RIMBP2: variants seen among roughly 807,000 people sequenced by gnomAD.
RIMBP2 encodes the protein RIMS-binding protein 2.
A neutral mutation model predicts 118.6 loss-of-function variants in RIMBP2; 48 were observed. That is an observed-to-expected ratio of 0.40 (90% confidence interval 0.32 to 0.51). The LOEUF is 0.51. Ranked by LOEUF, RIMBP2 falls within the 20% of genes least tolerant of loss-of-function variation. The pLI is 0.41. For synonymous variants in RIMBP2, 762 were observed against 742.9 expected (o/e 1.03, Z -0.42); for missense variants, 1,551 against 1,768.3 (o/e 0.88, Z 2.20).
intron 2 of RIMBP2, among the ~76,000 whole-genome samples, chr12:130,571,277 G>C (rs755180859): frequency 3.3e-5 from 5 of 152,012 alleles, no homozygotes; most frequent in Admixed American, 6.6e-5. Flanking sequence ...GCCATGCATG[G>C]GTCCCCGCAA....
chr12:130,460,138 A>T (rs2079845450), intron 6 of RIMBP2, among the ~76,000 whole-genome samples: 1 of 152,204 alleles, frequency 6.6e-6, no homozygotes, highest in African/African-American at 2.4e-5. Context: ...AGGAACCCTG[A>T]GACCCCTGCA....
chr12:130,432,367 T>C (rs1313395926), intron 14 of RIMBP2: 8 of 452,486 alleles, frequency 1.8e-5, no homozygotes, highest in African/African-American at 1.4e-4. Context: ...CACTTACTAC[T>C]TGCCAGTTGT....
intron 6 of RIMBP2, among the ~76,000 whole-genome samples, chr12:130,458,357 A>G (rs1044374456): frequency 6.6e-6 from 1 of 152,152 alleles, no homozygotes; most frequent in Non-Finnish European, 1.5e-5. Context: ...GGGGCCTGAC[A>G]TGGAAAGCAT....
At position 130,489,001 on chromosome 12, in the gene RIMBP2, C is replaced by T. The variant is rs184568213; in HGVS notation, c.-3-9985G>A. ...TCTGGAAAGTTCCAGAGAGCTGACT[C>T]CTACAGAATTCACGGCTAGCATGGG... On this transcript the variant is annotated intron_variant, in intron 4 of 22. Coordinates refer to ENST00000690449, the MANE Select transcript of RIMBP2 (RefSeq NM_001393629.1). Among the ~76,000 whole-genome samples, 17 of 152,292 alleles carry T rather than the reference C, an allele frequency of 1.1e-4. No individual in the cohort carries two copies. The East Asian group carries it at 3.1e-3, about 28-fold the overall frequency.
chr12:130,564,699 C>T (rs1455689391), intron 2 of RIMBP2, among the ~76,000 whole-genome samples: 1 of 152,172 alleles, frequency 6.6e-6, no homozygotes, highest in Non-Finnish European at 1.5e-5. Context: ...GGCCTCTAAA[C>T]AGTGGCAGTT....
intron 15 of RIMBP2, chr12:130,426,060 AG>A (rs1167632532): frequency 6.6e-6 from 1 of 152,304 alleles, no homozygotes; most frequent in African/African-American, 2.4e-5. Flanking sequence ...AACCATCCTT[AG>A]AGGACAGGGA....
Position 130,683,138 on chromosome 12 carries a change from T to G in RIMBP2, c.-352+33084A>C, listed in dbSNP as rs2064876944. Among the ~76,000 whole-genome samples the G allele has an allele frequency of 6.6e-6, 1 of 152,078 alleles. No individual in the cohort carries two copies. The highest frequency in any genetic ancestry group is 2.4e-5 in the African/African-American group (1 of 41,404). ...AATTAAGGTAAGGGTAGAGATGAGA[T>G]CCAGGGGGGTTGGGGTGGACCCTCC... On this transcript the variant is annotated intron_variant, in intron 1 of 22. Coordinates refer to ENST00000690449, the MANE Select transcript of RIMBP2 (RefSeq NM_001393629.1). The surrounding 1 kb of genome is among the most constrained non-coding windows in gnomAD (Gnocchi z 4.4).
At chr12:130,635,238 C>T (rs1016837393) in intron 1 of RIMBP2, among the ~76,000 whole-genome samples, 3 of 152,288 alleles carry the variant, frequency 2.0e-5, no homozygotes, top group African/African-American at 7.2e-5. Flanking sequence ...ACAAGCCAGG[C>T]GGGCCAGCGC....
chr12:130,690,382 G>A (rs1288461121), intron 1 of RIMBP2, among the ~76,000 whole-genome samples: 4 of 152,150 alleles, frequency 2.6e-5, no homozygotes, highest in African/African-American at 4.8e-5. Context: ...CCTGCTGCCC[G>A]AGAACCTGAG....
At chr12:130,580,193 AT>A (rs1312876897) in intron 2 of RIMBP2, among the ~76,000 whole-genome samples, 148 of 61,402 alleles carry the variant, frequency 2.4e-3, no homozygotes, top group Middle Eastern at 7.4e-3. Flanking sequence ...GCAAGACTCC[AT>A]TTAAAAAAAA....
chr12:130,694,646 A>G (rs1555325711), intron 1 of RIMBP2, among the ~76,000 whole-genome samples: 1 of 152,116 alleles, frequency 6.6e-6, no homozygotes, highest in Non-Finnish European at 1.5e-5. Flanking sequence ...TCTTCTCTGC[A>G]TGGATGGTGC....
chr12:130,526,809 T>C (rs1820618906), intron 2 of RIMBP2, among the ~76,000 whole-genome samples: 1 of 150,030 alleles, frequency 6.7e-6, no homozygotes, highest in African/African-American at 2.5e-5. Context: ...ATAAAAATAA[T>C]CTAAGTCAAC....
intron 11 of RIMBP2, 124 bp downstream of exon 11, chr12:130,441,724 T>G: frequency 1.2e-6 from 1 of 840,942 alleles, no homozygotes; most frequent in Non-Finnish European, 1.8e-6. Flanking sequence ...CTAAGGGATT[T>G]TCCAGGGTCA....
chr12:130,691,497 C>T (rs2065303907), intron 1 of RIMBP2, among the ~76,000 whole-genome samples: 1 of 152,106 alleles, frequency 6.6e-6, no homozygotes, highest in African/African-American at 2.4e-5. Context: ...CAGTGAGGCC[C>T]CATCTCTCCA....
chr12:130,399,171 A>T (rs2074286317), intron 22 of RIMBP2: 1 of 1,366,822 alleles, frequency 7.3e-7, no homozygotes. Flanking sequence ...TCTGTTTCCA[A>T]GCAGATGAGC....
intron 2 of RIMBP2, among the ~76,000 whole-genome samples, chr12:130,580,172 T>C (rs2058367954): frequency 6.7e-6 from 1 of 149,816 alleles, no homozygotes; most frequent in Non-Finnish European, 1.5e-5. Flanking sequence ...CCTTCCAGCC[T>C]GGGTGACAGA....
intron 1 of RIMBP2, chr12:130,657,867 A>G (rs972829763): frequency 6.6e-6 from 1 of 152,238 alleles, no homozygotes; most frequent in Non-Finnish European, 1.5e-5. Flanking sequence ...CAGCTACCCA[A>G]CGAGTTGTTT....
chr12:130,708,109 C>T (rs1949632880), intron 1 of RIMBP2, among the ~76,000 whole-genome samples: 1 of 152,106 alleles, frequency 6.6e-6, no homozygotes, highest in Admixed American at 6.6e-5. Flanking sequence ...CTTGAGGATG[C>T]TGTGCTGAGG....
chr12:130,676,627 A>G (rs1566448978), intron 1 of RIMBP2, among the ~76,000 whole-genome samples: 3 of 151,908 alleles, frequency 2.0e-5, no homozygotes, highest in African/African-American at 7.3e-5. Flanking sequence ...TGTCTCAAAA[A>G]AAAAAAGAAA....
Sources: allele counts gnomAD v4.1 joint callset (sites outside exome capture counted in the v4.1 genomes callset), GRCh38; gene constraint gnomAD v4.1.1; non-coding constraint Gnocchi (gnomAD v3.1); transcripts MANE v1.5; gene names NCBI Gene and HGNC (gene_info 2026-07-23, HGNC 2026-07-21).